The following ATXN10 variants were observed in gnomAD, a reference collection of about 807,000 sequenced individuals.
ATXN10 encodes the protein ataxin-10.
In ATXN10, 28 loss-of-function variants were observed where a neutral mutation model predicts 52.9. The ratio of observed to expected loss-of-function variants is 0.53; its 90% CI spans 0.39 to 0.73. The LOEUF (loss-of-function observed/expected upper bound fraction) is 0.73. Ranked by LOEUF, ATXN10 falls within the 30% of genes least tolerant of loss-of-function variation. The pLI is 0.00. For synonymous variants in ATXN10, 226 were observed against 221.5 expected (o/e 1.02, Z -0.18); for missense variants, 565 against 577.0 (o/e 0.98, Z 0.21).
chr22:45,691,561 C>T (rs1463600963), intron 2 of ATXN10, among the ~76,000 whole-genome samples: 1 of 152,246 alleles, frequency 6.6e-6, no homozygotes, highest in Non-Finnish European at 1.5e-5. Context: ...AAAGCTTAAG[C>T]TTAACAAGCA....
intron 9 of ATXN10, chr22:45,793,827 C>CG: frequency 7.7e-7 from 1 of 1,293,456 alleles, no homozygotes; most frequent in Non-Finnish European, 9.9e-7. Context: ...TGGCTTTGCC[C>CG]GGGAAATAAT....
At chr22:45,794,130 C>T (rs1927621372) in intron 9 of ATXN10, among the ~76,000 whole-genome samples, 1 of 152,362 alleles carries the variant, frequency 6.6e-6, no homozygotes, top group South Asian at 2.1e-4. Flanking sequence ...GGTAAACTGA[C>T]ATGACATATT....
rs1404458777 is a variant in ATXN10 at position 45,841,916 on chromosome 22, G to A, written c.1238-1075G>A. On this transcript the variant is annotated intron_variant, in intron 10 of 11. Coordinates refer to ENST00000252934, the MANE Select transcript of ATXN10 (RefSeq NM_013236.4). This position sits in a 1 kb window ranked among gnomAD's most constrained non-coding sequence, Gnocchi z 5.1. ...TAGCTCTAGGGTTTGATACCTTGTG[G>A]GGACACTGACTCCCTGGTTCTGGCA... Among the ~76,000 whole-genome samples, 1 of 152,174 alleles carries A rather than the reference G, an allele frequency of 6.6e-6. No homozygotes were observed. The highest frequency in any genetic ancestry group is 1.9e-4 in the East Asian group (1 of 5,194).
rs1363561351 is a variant in ATXN10 at position 45,794,240 on chromosome 22, C to T, written c.1174-12719C>T. On this transcript the variant is annotated intron_variant, in intron 9 of 11. Coordinates refer to ENST00000252934, the MANE Select transcript of ATXN10 (RefSeq NM_013236.4). ...GTCTGAGCCCTGCCTCCTACCTCTC[C>T]AGGACATGGGCAGTAGCCTGGCTGG... 3.9e-5 allele frequency among the ~76,000 whole-genome samples: 6 copies of T among 152,256 alleles called. No individual in the cohort carries two copies. The East Asian group carries it at 1.2e-3, about 29-fold the overall frequency.
chr22:45,734,398 C>A, intron 7 of ATXN10: 2 of 280,444 alleles, frequency 7.1e-6, no homozygotes, highest in East Asian at 9.2e-5. Context: ...GTCTTTCTGT[C>A]ATACATACAG....
chr22:45,751,740 G>GAAAAAAAAAAAA (rs200364242), intron 9 of ATXN10, among the ~76,000 whole-genome samples: 10 of 45,444 alleles, frequency 2.2e-4, no homozygotes, highest in Non-Finnish European at 2.6e-4. Flanking sequence ...CCTTTTTCTG[G>GAAAAAAAAAAAA]AAAAAAAAAA....
At position 45,718,607 on chromosome 22, in the gene ATXN10, G is replaced by A; in HGVS notation, c.728+114G>A. On this transcript the variant is annotated intron_variant, in intron 6 of 11. Coordinates refer to ENST00000252934, the MANE Select transcript of ATXN10 (RefSeq NM_013236.4). The surrounding 1 kb of genome is among the most constrained non-coding windows in gnomAD (Gnocchi z 4.4). The stretch of plus-strand genomic sequence containing the variant: ...GTTGGCACAGAATCTCTAAATACAT[G>A]TTTCTGTGTTGGTAATGGTTTTAAA... 2 of 962,254 alleles carry A rather than the reference G, an allele frequency of 2.1e-6. No individual in the cohort carries two copies. The highest frequency in any genetic ancestry group is 3.4e-6 in the Non-Finnish European group (2 of 594,652). 59.6% of individuals were successfully genotyped at this position (962,254 alleles called of 1,614,324 possible).
At chr22:45,813,214 A>G (rs975023904) in intron 10 of ATXN10, among the ~76,000 whole-genome samples, 3 of 151,952 alleles carry the variant, frequency 2.0e-5, no homozygotes, top group African/African-American at 7.2e-5. Context: ...TTGTCAGTTT[A>G]TTGTGGGATT....
intron 10 of ATXN10, among the ~76,000 whole-genome samples, chr22:45,814,826 C>G (rs906896666): frequency 6.6e-6 from 1 of 152,178 alleles, no homozygotes; most frequent in Non-Finnish European, 1.5e-5. Context: ...GCATTAGATT[C>G]TCATAGGAGC....
rs149659828 is a variant in ATXN10 at position 45,701,342 on chromosome 22, G to A, written c.488+964G>A. Among the ~76,000 whole-genome samples the A allele has an allele frequency of 5.3e-4, 80 of 152,308 alleles. 1 individual carries two copies. The Middle Eastern group carries it at 0.017, about 32-fold the overall frequency. On this transcript the variant is annotated intron_variant, in intron 4 of 11. Coordinates refer to ENST00000252934, the MANE Select transcript of ATXN10 (RefSeq NM_013236.4). The surrounding 1 kb of genome is among the most constrained non-coding windows in gnomAD (Gnocchi z 4.2). ...CCCATTGCTGCCATCTGGATCTAAA[G>A]CCTATCTATGCTCATTGTAAATACT...
In ATXN10 at chr22:45,766,733, G is replaced by T; in HGVS notation, c.1173+26195G>T. On this transcript the variant is annotated intron_variant, in intron 9 of 11. Coordinates refer to ENST00000252934, the MANE Select transcript of ATXN10 (RefSeq NM_013236.4). The surrounding 1 kb of genome is among the most constrained non-coding windows in gnomAD (Gnocchi z 4.6). ...GCAAATAAGCACATAAAATGATAAAGAAAAAATAGTGGAAAAGATTTGCAA... is the reference window on the plus strand; with the variant it reads ...GCAAATAAGCACATAAAATGATAAATAAAAAATAGTGGAAAAGATTTGCAA... 6.6e-6 allele frequency among the ~76,000 whole-genome samples: 1 copy of T among 152,006 alleles called. No individual in the cohort carries two copies. Among genetic ancestry groups the T allele is most frequent in the Non-Finnish European group, 1.5e-5 (1 of 67,918 alleles).
At chr22:45,791,055 C>T (rs1927491802) in intron 9 of ATXN10, among the ~76,000 whole-genome samples, 1 of 152,182 alleles carries the variant, frequency 6.6e-6, no homozygotes, top group Non-Finnish European at 1.5e-5. Flanking sequence ...GATGGGGTCT[C>T]TCTATGTTGC....
intron 10 of ATXN10, among the ~76,000 whole-genome samples, chr22:45,829,550 A>G (rs1413993329): frequency 2.0e-5 from 3 of 152,210 alleles, no homozygotes; most frequent in Non-Finnish European, 4.4e-5. Context: ...AACTATATAA[A>G]GTCAACACAC....
At chr22:45,687,981 C>T (rs998553649) in intron 1 of ATXN10, among the ~76,000 whole-genome samples, 1 of 152,152 alleles carries the variant, frequency 6.6e-6, no homozygotes, top group African/African-American at 2.4e-5. Context: ...TGCTTGAACC[C>T]AGGAGGCAGA....
chr22:45,745,670 C>T (rs936612777), intron 9 of ATXN10, among the ~76,000 whole-genome samples: 5 of 152,196 alleles, frequency 3.3e-5, no homozygotes, highest in Non-Finnish European at 7.3e-5. Context: ...ATACATTTTT[C>T]GTTAACTTTG....
chr22:45,718,400 C>CT lies in ATXN10; in HGVS notation c.648-7dup, dbSNP rs758526927. On this transcript the variant is annotated splice_polypyrimidine_tract_variant and intron_variant, in intron 5 of 11. Transcript: ENST00000252934. The surrounding 1 kb of genome is among the most constrained non-coding windows in gnomAD (Gnocchi z 4.4). ...TTTCAAGTAACCAAACTTTCCTCCT[C>CT]TTTTTTCCCTAGGTTCTTGATTATT... 2.2e-5 allele frequency: 35 copies of CT among 1,608,918 alleles called. No homozygotes were observed. The highest frequency in any genetic ancestry group is 2.7e-5 in the African/African-American group (2 of 74,782).
In ATXN10 at chr22:45,701,655, T is replaced by C. The variant is rs117695761; in HGVS notation, c.489-1034T>C. ...TAAAACGTTTTGGATACCTAATATC[T>C]GCCAGGTTTTGGGATAGATGATTAG... On this transcript the variant is annotated intron_variant, in intron 4 of 11. Coordinates refer to ENST00000252934, the MANE Select transcript of ATXN10 (RefSeq NM_013236.4). This position sits in a 1 kb window ranked among gnomAD's most constrained non-coding sequence, Gnocchi z 4.2. Among the ~76,000 whole-genome samples, 1 of 152,352 alleles carries C rather than the reference T, an allele frequency of 6.6e-6. No homozygotes were observed. Among genetic ancestry groups the C allele is most frequent in the Non-Finnish European group, 1.5e-5 (1 of 68,034 alleles).
At chr22:45,740,277 C>T in intron 8 of ATXN10, 92 bp from the exon 9 acceptor site, 1 of 1,252,330 alleles carries the variant, frequency 8.0e-7, no homozygotes, top group Non-Finnish European at 1.2e-6. Context: ...TAGCCTATTA[C>T]AATAAATTAG....
intron 10 of ATXN10, among the ~76,000 whole-genome samples, chr22:45,815,247 C>G (rs946364437): frequency 6.6e-6 from 1 of 152,176 alleles, no homozygotes; most frequent in Non-Finnish European, 1.5e-5. Context: ...AGACCATGTA[C>G]TGTACAGTTC....
Sources: allele counts gnomAD v4.1 joint callset (sites outside exome capture counted in the v4.1 genomes callset), GRCh38; gene constraint gnomAD v4.1.1; non-coding constraint Gnocchi (gnomAD v3.1); transcripts MANE v1.5; gene names NCBI Gene and HGNC (gene_info 2026-07-23, HGNC 2026-07-21).